Variants in CHAF1B observed in about 807,000 individuals in gnomAD.
The protein encoded by CHAF1B is CAF-1 subunit B.
In CHAF1B, 10 loss-of-function variants were observed where a neutral mutation model predicts 60.7. The observed-to-expected ratio is 0.16, with a 90% CI of 0.10 to 0.28. CHAF1B has a LOEUF of 0.28. CHAF1B is among the 10% of genes least tolerant of loss of function. The pLI is 1.00. For missense variants in CHAF1B, 558 were observed against 708.4 expected (o/e 0.79, Z 2.41); for synonymous variants, 261 against 266.1 (o/e 0.98, Z 0.19).
rs1339807176 is a variant in CHAF1B at position 36,391,837 on chromosome 21, C to G, written c.377+169C>G. Among the ~76,000 whole-genome samples the G allele has an allele frequency of 5.4e-5, 8 of 149,178 alleles. No individual in the cohort carries two copies. The South Asian group carries it at 1.3e-3, about 24-fold the overall frequency. Reference sequence around the variant, plus strand: ...CCCTGCAGCCTTGACTTCCCGGGCTCAAGTGATCCTCTCACCTCCCAAATA... The same window carrying G: ...CCCTGCAGCCTTGACTTCCCGGGCTGAAGTGATCCTCTCACCTCCCAAATA... On this transcript the variant is annotated intron_variant, in intron 4 of 13. Transcript: ENST00000314103.
chr21:36,392,517 C>G (rs1480204495), intron 4 of CHAF1B, among the ~76,000 whole-genome samples: 1 of 148,290 alleles, frequency 6.7e-6, no homozygotes, highest in Non-Finnish European at 1.5e-5. Context: ...GAGGCGCCCC[C>G]CACCTCCCGG....
intron 10 of CHAF1B, 39 bp downstream of exon 10, chr21:36,409,504 C>T: frequency 6.8e-7 from 1 of 1,474,332 alleles, no homozygotes; most frequent in Non-Finnish European, 9.5e-7. Flanking sequence ...TGTTTTCTCT[C>T]CGAAACAGGT....
At chr21:36,398,079 G>A (rs1336245975) in intron 6 of CHAF1B, 1 of 150,348 alleles carries the variant, frequency 6.7e-6, no homozygotes, top group Non-Finnish European at 1.5e-5. Flanking sequence ...TTGAGAGAGG[G>A]GCTTACTCTG....
rs1484634707 is a variant in CHAF1B at position 36,413,162 on chromosome 21, G to C, written c.1340G>C (p.Arg447Thr). Residue 447 changes from arginine to threonine, a missense_variant, in exon 12 of 14, where the codon AGG becomes ACG. This residue lies in a region of CHAF1B where 233 missense variants were observed against 214.9 expected (regional missense o/e 1.08). Transcript: ENST00000314103. ...ARQAPAPTVI[R>T]DPPSITPAVK... ...CAGGCCCCAGCCCCAACAGTCATCA[G>C]GGACCCTCCCTCCATCACTCCTGCT... 4 of 1,613,928 alleles carry C rather than the reference G, an allele frequency of 2.5e-6. No homozygotes were observed. Among genetic ancestry groups the C allele is most frequent in the Non-Finnish European group, 3.4e-6 (4 of 1,179,972 alleles).
chr21:36,393,515 G>C (rs1489660790), intron 4 of CHAF1B, among the ~76,000 whole-genome samples: 2 of 136,670 alleles, frequency 1.5e-5, no homozygotes, highest in Non-Finnish European at 3.1e-5. Context: ...GCAATGGCAT[G>C]ATCTCGGCTC....
chr21:36,386,142 A>G lies in CHAF1B; in HGVS notation c.6A>G (p.Lys2=). 3 of 1,614,146 alleles carry G rather than the reference A, an allele frequency of 1.9e-6. No homozygotes were observed. Among genetic ancestry groups the G allele is most frequent in the Non-Finnish European group, 2.5e-6 (3 of 1,180,004 alleles). M[K]VITCEIAWHN... is the part of the protein sequence containing the mutation. ...CCCCTTCGAGACTCAGGAGGATGAA[A>G]GTCATCACTTGTGAAATAGCCTGGC... is the stretch of plus-strand genomic sequence containing the variant. Residue 2 remains lysine, a synonymous_variant, in exon 2 of 14, where the codon AAA becomes AAG. Transcript: ENST00000314103.
At chr21:36,398,626 C>T (rs1379475515) in intron 6 of CHAF1B, among the ~76,000 whole-genome samples, 1 of 152,166 alleles carries the variant, frequency 6.6e-6, no homozygotes, top group Non-Finnish European at 1.5e-5. Context: ...TCCCAAAGTG[C>T]TGGGATTACA....
intron 5 of CHAF1B, among the ~76,000 whole-genome samples, chr21:36,395,953 G>C (rs1219426353): frequency 6.6e-6 from 1 of 151,520 alleles, no homozygotes; most frequent in Non-Finnish European, 1.5e-5. Flanking sequence ...TTAGTACCAT[G>C]CTGTCCAGCC....
chr21:36,402,309 A>G (rs1394080183), intron 7 of CHAF1B, among the ~76,000 whole-genome samples: 5 of 152,100 alleles, frequency 3.3e-5, no homozygotes, highest in Admixed American at 3.3e-4. Flanking sequence ...GAGACTCTGT[A>G]TCTAAAGAGT....
At chr21:36,413,420 T>C in intron 12 of CHAF1B, 105 bp downstream of exon 12, 1 of 1,064,044 alleles carries the variant, frequency 9.4e-7, no homozygotes, top group Non-Finnish European at 1.3e-6. Context: ...GAATGCTTCA[T>C]GCCAGTAGGT....
chr21:36,400,169 G>A (rs1465633316), intron 7 of CHAF1B, among the ~76,000 whole-genome samples: 2 of 151,508 alleles, frequency 1.3e-5, no homozygotes, highest in East Asian at 3.9e-4. Flanking sequence ...GACAGAGCGA[G>A]ACTCGATTTC....
chr21:36,399,465 GTGTGAAGCATAAT>G, intron 6 of CHAF1B, 43 bp from the exon 7 acceptor site: 3 of 1,479,088 alleles, frequency 2.0e-6, no homozygotes, highest in Non-Finnish European at 2.8e-6. Flanking sequence ...AGTTGTTTCT[GTGTGAAGCATAAT>G]TCATTTACTA....
chr21:36,388,433 T>G (rs1323404403), intron 3 of CHAF1B, among the ~76,000 whole-genome samples: 1 of 152,062 alleles, frequency 6.6e-6, no homozygotes, highest in Non-Finnish European at 1.5e-5. Flanking sequence ...ATTAAATGGC[T>G]TTAGGACTGT....
rs764534792 is a variant in CHAF1B, at chr21:36,386,253, C to T, written c.117C>T (p.Thr39=). 6.2e-7 allele frequency: 1 copy of T among 1,614,030 alleles called. No homozygotes were observed. The highest frequency in any genetic ancestry group is 1.7e-5 in the Admixed American group (1 of 59,988). The change falls in exon 2 of 14, where the codon ACC becomes ACT. Residue 39 remains threonine (T), a synonymous_variant. Coordinates refer to ENST00000314103, the MANE Select transcript of CHAF1B (RefSeq NM_005441.3). The part of the protein sequence containing the change: ...IHRLASAGVD[T]NVRIWKVEKG... Reference sequence around the variant, plus strand: ...GACTGGCGTCTGCCGGCGTGGACACCAATGTCAGGGTAAACTGGGGCAGAG... The same window carrying T: ...GACTGGCGTCTGCCGGCGTGGACACTAATGTCAGGGTAAACTGGGGCAGAG...
chr21:36,393,871 CTT>C (rs1396485565), intron 4 of CHAF1B, among the ~76,000 whole-genome samples: 1 of 151,972 alleles, frequency 6.6e-6, no homozygotes, highest in Admixed American at 6.6e-5. Context: ...TTTTTGATAA[CTT>C]GTCCGTTTTT....
chr21:36,409,494 T>C (rs756319367), intron 10 of CHAF1B, 29 bp downstream of exon 10: 2 of 1,559,644 alleles, frequency 1.3e-6, no homozygotes, highest in East Asian at 2.2e-5. Context: ...GGGTGTGTTA[T>C]GTTTTCTCTC....
chr21:36,397,719 CTTTTTTTTTTT>C (rs397866716), intron 6 of CHAF1B: 5,878 of 133,938 alleles, frequency 0.044, 170 homozygotes, highest in Admixed American at 0.063. Flanking sequence ...CTTAGTAAAT[CTTTTTTTTTTT>C]TTTTTTTTTT....
chr21:36,386,242 G>A lies in CHAF1B; in HGVS notation c.106G>A (p.Gly36Ser). 1.2e-6 allele frequency: 2 copies of A among 1,614,170 alleles called. No individual in the cohort carries two copies. Among genetic ancestry groups the A allele is most frequent in the Non-Finnish European group, 1.7e-6 (2 of 1,179,998 alleles). The change falls in exon 2 of 14, where the codon GGC becomes AGC. Residue 36 changes from glycine (G) to serine (S), a missense_variant. Around this residue, in one of 2 missense-constraint regions of CHAF1B, gnomAD observed 325 missense variants for 493.5 expected, o/e 0.66. Coordinates refer to ENST00000314103, the MANE Select transcript of CHAF1B (RefSeq NM_005441.3). Reference sequence around the variant, plus strand: ...GAGGATCCACAGACTGGCGTCTGCCGGCGTGGACACCAATGTCAGGGTAAA... The same window carrying A: ...GAGGATCCACAGACTGGCGTCTGCCAGCGTGGACACCAATGTCAGGGTAAA... Reference protein sequence around the residue: ...AGRIHRLASAGVDTNVRIWKV... With the variant: ...AGRIHRLASASVDTNVRIWKV...
Position 36,385,409 on chromosome 21 carries a change from G to C in CHAF1B, c.-120G>C, listed in dbSNP as rs541601358. 1.4e-3 allele frequency: 218 copies of C among 152,220 alleles called. 2 individuals are homozygous for C. The highest frequency in any genetic ancestry group is 5.0e-3 in the African/African-American group (208 of 41,534). The allele number at this position is 152,220 out of a possible 1,614,324, so 9.4% of individuals were successfully genotyped here. On this transcript the variant is annotated 5_prime_UTR_variant, in exon 1 of 14. Coordinates refer to ENST00000314103, the MANE Select transcript of CHAF1B (RefSeq NM_005441.3). ...CGGCGCGCGGGAAGCGGCGCGCGCT[G>C]CGCGGGAGGTGACGGTGCCTCTGAC... is the stretch of plus-strand genomic sequence containing the variant.
Sources: allele counts gnomAD v4.1 joint callset (sites outside exome capture counted in the v4.1 genomes callset), GRCh38; gene constraint gnomAD v4.1.1; regional missense constraint gnomAD v4.1.1; transcripts MANE v1.5; gene names NCBI Gene and HGNC (gene_info 2026-07-23, HGNC 2026-07-21).